The following DNAH7 variants were observed in gnomAD, a reference collection of about 807,000 sequenced individuals.
DNAH7 encodes the protein axonemal beta dynein heavy chain 7.
DNAH7 carries 397 observed loss-of-function variants against 444.6 expected under a neutral mutation model. The ratio of observed to expected loss-of-function variants is 0.89; its 90% CI spans 0.82 to 0.97. The LOEUF (loss-of-function observed/expected upper bound fraction) is 0.97, where lower values mean the gene tolerates loss of function less well. DNAH7 is among the 50% of genes least tolerant of loss of function. The pLI is 0.00. For missense variants in DNAH7, 4,902 were observed against 4,800.8 expected (o/e 1.02, Z -0.62); for synonymous variants, 1,636 against 1,624.4 (o/e 1.01, Z -0.17).
chr2:195,990,815 A>G lies in DNAH7; in HGVS notation c.1354-2586T>C, dbSNP rs985468495. Among the ~76,000 whole-genome samples the G allele has an allele frequency of 4.4e-3, 605 of 136,060 alleles. 5 individuals carry two copies. The highest frequency in any genetic ancestry group is 5.3e-3 in the African/African-American group (170 of 32,066). 89.3% of individuals were successfully genotyped at this position (136,060 alleles called of 152,430 possible). On this transcript the variant is annotated intron_variant, in intron 12 of 64. Transcript: ENST00000312428. ...TGTGTGTGTGTGTGTGTGTGTGTAT[A>G]TATATATACTTAAATATATATACAT...
chr2:195,985,572 G>A (rs955445096), intron 14 of DNAH7, among the ~76,000 whole-genome samples: 2 of 152,086 alleles, frequency 1.3e-5, no homozygotes, highest in East Asian at 1.9e-4. Flanking sequence ...AACCATGCAG[G>A]GGCAAGAAGT....
intron 40 of DNAH7, among the ~76,000 whole-genome samples, chr2:195,865,415 A>C (rs1700270502): frequency 1.3e-5 from 2 of 152,164 alleles, no homozygotes; most frequent in Non-Finnish European, 2.9e-5. Context: ...CCTTTTTCTA[A>C]GATAGATAAC....
chr2:195,957,143 G>T (rs763728753), intron 19 of DNAH7, 118 bp downstream of exon 19: 1 of 822,142 alleles, frequency 1.2e-6, no homozygotes, highest in Non-Finnish European at 1.7e-6. Context: ...AAAAGACAAT[G>T]TATGTATGAA....
intron 61 of DNAH7, among the ~76,000 whole-genome samples, chr2:195,763,956 C>G (rs1003095042): frequency 1.3e-5 from 2 of 151,666 alleles, no homozygotes; most frequent in African/African-American, 4.8e-5. Flanking sequence ...AAACTACAAG[C>G]CAATATCCCT....
intron 24 of DNAH7, among the ~76,000 whole-genome samples, chr2:195,918,791 A>C (rs1183357930): frequency 2.0e-5 from 3 of 152,214 alleles, no homozygotes; most frequent in African/African-American, 7.2e-5. Context: ...TTTTTAGGGC[A>C]GTAAAATTAT....
intron 55 of DNAH7, among the ~76,000 whole-genome samples, chr2:195,797,237 G>A (rs1696189857): frequency 6.6e-6 from 1 of 152,162 alleles, no homozygotes; most frequent in African/African-American, 2.4e-5. Flanking sequence ...AATTCTGTGG[G>A]AATGTTTTCC....
Position 195,889,072 on chromosome 2 carries a change from A to G in DNAH7, c.5047-91T>C, listed in dbSNP as rs1701866887. 1.1e-5 allele frequency: 13 copies of G among 1,216,558 alleles called. No individual in the cohort carries two copies. The Middle Eastern group carries it at 8.5e-4, about 80-fold the overall frequency. 75.4% of individuals were successfully genotyped at this position (1,216,558 alleles called of 1,614,324 possible). On this transcript the variant is annotated intron_variant, in intron 31 of 64. Coordinates refer to ENST00000312428, the MANE Select transcript of DNAH7 (RefSeq NM_018897.3). ...TAATATTATTTCAAAATTTTAAAAT[A>G]TAAGTACTAGGATTAATTTCATCAT...
rs1697382688 is a variant in DNAH7 at position 196,050,296 on chromosome 2, T to C, written c.141+891A>G. 2.6e-5 allele frequency among the ~76,000 whole-genome samples: 4 copies of C among 151,846 alleles called. No homozygotes were observed. The South Asian group carries it at 8.3e-4, about 32-fold the overall frequency. ...ATATGAAATACCTAGAGTAGTCAAA[T>C]ACATAGAGACAAGAAGTAGAATGGT... On this transcript the variant is annotated intron_variant, in intron 3 of 64. Transcript: ENST00000312428.
chr2:195,852,069 T>C (rs985035444), intron 46 of DNAH7, among the ~76,000 whole-genome samples: 3 of 151,988 alleles, frequency 2.0e-5, no homozygotes, highest in South Asian at 2.1e-4. Flanking sequence ...CCATCCTGGC[T>C]AACATGGTGA....
At chr2:196,025,574 C>T (rs1419322218) in intron 7 of DNAH7, among the ~76,000 whole-genome samples, 1 of 152,178 alleles carries the variant, frequency 6.6e-6, no homozygotes, top group Non-Finnish European at 1.5e-5. Flanking sequence ...ATGTTCCCGA[C>T]TAGACTGTTT....
At chr2:195,740,636 TATATATATACATATACAC>T (rs1559062283) in intron 64 of DNAH7, 112 bp downstream of exon 64, 18 of 98,904 alleles carry the variant, frequency 1.8e-4, no homozygotes, top group African/African-American at 1.0e-3. Flanking sequence ...TATATATATA[TATATATATACATATACAC>T]ACACACATAT....
chr2:196,066,926 A>G (rs1445992941), intron 1 of DNAH7, among the ~76,000 whole-genome samples: 2 of 152,238 alleles, frequency 1.3e-5, no homozygotes, highest in Non-Finnish European at 2.9e-5. Flanking sequence ...ATTAGCATAA[A>G]TGAAATTCTC....
intron 56 of DNAH7, chr2:195,795,841 A>G (rs541466943): frequency 6.6e-6 from 1 of 152,418 alleles, no homozygotes; most frequent in African/African-American, 2.4e-5. Context: ...GCCAGAACAA[A>G]CTGGCGCTAA....
At chr2:195,908,379 A>G (rs1307483873) in intron 25 of DNAH7, among the ~76,000 whole-genome samples, 1 of 151,988 alleles carries the variant, frequency 6.6e-6, no homozygotes, top group Admixed American at 6.6e-5. Flanking sequence ...ATACCATTTT[A>G]TGGTATCCAA....
rs569839891 is a variant in DNAH7, at chr2:195,929,961, A to C, written c.3472-3395T>G. Among the ~76,000 whole-genome samples the C allele has an allele frequency of 3.3e-5, 5 of 152,366 alleles. No homozygotes were observed. The East Asian group carries it at 9.6e-4, about 29-fold the overall frequency. ...ACCTATAGACTGTGAGAAAACATTC[A>C]CAAACTATGTATCTGACCAAGGTCT... On this transcript the variant is annotated intron_variant, in intron 21 of 64. Coordinates refer to ENST00000312428, the MANE Select transcript of DNAH7 (RefSeq NM_018897.3).
chr2:195,954,669 C>G lies in DNAH7; in HGVS notation c.3078+2592G>C, dbSNP rs547982179. Among the ~76,000 whole-genome samples, 73 of 152,320 alleles carry G rather than the reference C, an allele frequency of 4.8e-4. 1 individual carries two copies. Among genetic ancestry groups the G allele is most frequent in the African/African-American group, 1.7e-3 (71 of 41,558 alleles). On this transcript the variant is annotated intron_variant, in intron 19 of 64. Transcript: ENST00000312428. The stretch of plus-strand genomic sequence containing the variant: ...ACAGTGTAAAAGTGTTCCTATTTCT[C>G]CACATCCTCTCCAGCACCTGTTGTT...
rs1453658451 is a variant in DNAH7, at chr2:196,033,351, CATTTACTAAA to C, written c.399-5314_399-5305del. 3.9e-5 allele frequency among the ~76,000 whole-genome samples: 6 copies of C among 152,226 alleles called. No individual in the cohort carries two copies. The East Asian group carries it at 9.6e-4, about 24-fold the overall frequency. ...CTCAAAGATTTTGAAATGCACAATA[CATTTACTAAA>C]TTTGCCATGCTGTGCAATATGTTTT... is the stretch of plus-strand genomic sequence containing the variant. On this transcript the variant is annotated intron_variant, in intron 5 of 64. Transcript: ENST00000312428.
At position 195,845,017 on chromosome 2, in the gene DNAH7, T is replaced by C. The variant is rs1279392640; in HGVS notation, c.8930A>G (p.Asn2977Ser). The C allele has an allele frequency of 1.2e-6, 2 of 1,613,388 alleles. No homozygotes were observed. The highest frequency in any genetic ancestry group is 2.2e-5 in the East Asian group (1 of 44,796). Residue 2977 changes from asparagine (N) to serine (S), a missense_variant, in exon 47 of 65, where the codon AAT (asparagine) becomes AGT (serine). By Grantham distance (46) the Asn-to-Ser change is conservative (BLOSUM62 1). Coordinates refer to ENST00000312428, the MANE Select transcript of DNAH7 (RefSeq NM_018897.3). ...TTTTTCTTACATTATGATTATCCCA[T>C]TATCAATGGAAAATGAGTCAGAAGG... ...GLPSDSFSID[N>S]GIIIMNARRW...
At chr2:195,766,259 C>T (rs565350928) in intron 61 of DNAH7, among the ~76,000 whole-genome samples, 34 of 145,106 alleles carry the variant, frequency 2.3e-4, no homozygotes, top group African/African-American at 7.8e-4. Flanking sequence ...CTGCAACCTC[C>T]GCCTCCCTGG....
Sources: gnomAD v4.1 joint callset for allele counts (sites outside exome capture counted in the v4.1 genomes callset) on GRCh38, gnomAD v4.1.1 for gene constraint, MANE v1.5 for transcripts, NCBI Gene and HGNC (gene_info 2026-07-23, HGNC 2026-07-21) for gene names.